The following PHOSPHO2 variants were observed in gnomAD, a reference collection of about 807,000 sequenced individuals.
PHOSPHO2 encodes phosphatase, orphan 2.
A neutral mutation model predicts 16.4 loss-of-function variants in PHOSPHO2; 14 were observed. That is an observed-to-expected ratio of 0.85 (90% CI 0.56 to 1.33). The LOEUF (loss-of-function observed/expected upper bound fraction) is 1.33. Ranked by LOEUF, PHOSPHO2 falls within the 40% of genes most tolerant of loss-of-function variation. The pLI, the probability that PHOSPHO2 is intolerant of heterozygous loss-of-function variation, is 0.00. For missense variants in PHOSPHO2, 246 were observed against 282.5 expected, an observed-to-expected ratio of 0.87 and a Z score of 0.93; for synonymous variants, 85 against 90.5, an observed-to-expected ratio of 0.94 and a Z score of 0.34.
Position 169,701,701 on chromosome 2 carries a change from G to A in PHOSPHO2, c.*4G>A. 1 of 1,502,532 alleles carries A rather than the reference G, an allele frequency of 6.7e-7. No individual in the cohort carries two copies. Among genetic ancestry groups the A allele is most frequent in the Non-Finnish European group, 8.9e-7 (1 of 1,121,148 alleles). The allele number at this position is 1,502,532 out of a possible 1,614,324, so 93.1% of individuals were successfully genotyped here. ...ACAATTTCTAATAAAGGATTAATAT[G>A]TCAGCAATTGAAAAGTGTATCACTT... On this transcript the variant is annotated 3_prime_UTR_variant, in exon 4 of 4. Transcript: ENST00000359744.
intron 2 of PHOSPHO2, among the ~76,000 whole-genome samples, chr2:169,695,759 C>G (rs1687505407): frequency 6.6e-6 from 1 of 152,152 alleles, no homozygotes; most frequent in Non-Finnish European, 1.5e-5. Context: ...TGAATTACTC[C>G]CAGCAGTAGC....
In PHOSPHO2 at chr2:169,696,044, C is replaced by T. The variant is rs768440457; in HGVS notation, c.-198+797C>T. On this transcript the variant is annotated intron_variant, in intron 2 of 3. Transcript: ENST00000359744. The stretch of plus-strand genomic sequence containing the variant: ...CGCAGGGAAAATTGTCTCCCAACAA[C>T]AATTTTCTGGAATTTTAACAAAATT... 4.6e-5 allele frequency among the ~76,000 whole-genome samples: 7 copies of T among 152,270 alleles called. No individual in the cohort carries two copies. The South Asian group carries it at 1.0e-3, about 23-fold the overall frequency.
chr2:169,699,017 G>T (rs1407443322), intron 3 of PHOSPHO2, among the ~76,000 whole-genome samples: 1 of 151,790 alleles, frequency 6.6e-6, no homozygotes, highest in African/African-American at 2.4e-5. Context: ...TAATTTTTTT[G>T]ATTTCCACCT....
intron 3 of PHOSPHO2, among the ~76,000 whole-genome samples, chr2:169,698,544 G>C (rs1687632318): frequency 6.6e-6 from 1 of 152,092 alleles, no homozygotes. Context: ...ATATTGCAAA[G>C]TTTTTAGGTC....
chr2:169,697,894 GA>G (rs1253662122), intron 3 of PHOSPHO2: 5 of 152,118 alleles, frequency 3.3e-5, no homozygotes, highest in African/African-American at 1.2e-4. Context: ...AAATTTCAGG[GA>G]ACCAGTCAGA....
intron 2 of PHOSPHO2, 79 bp from the exon 3 acceptor site, chr2:169,697,282 G>T (rs1234386333): frequency 6.6e-6 from 1 of 152,186 alleles, no homozygotes; most frequent in Non-Finnish European, 1.5e-5. Context: ...CCAAAGTGCT[G>T]GGATTACAGG....
chr2:169,700,382 A>G (rs1687710572), intron 3 of PHOSPHO2, among the ~76,000 whole-genome samples: 1 of 127,264 alleles, frequency 7.9e-6, no homozygotes, highest in Middle Eastern at 3.6e-3. Context: ...GTGTTAAGGA[A>G]GGGGTCCAGT....
At chr2:169,694,836 A>T (rs1687453298) in intron 1 of PHOSPHO2, 1 of 182,408 alleles carries the variant, frequency 5.5e-6, no homozygotes, top group Non-Finnish European at 1.2e-5. Context: ...TAACTATAAA[A>T]ACCCGCGGAT....
chr2:169,700,850 T>G, intron 3 of PHOSPHO2, 96 bp from the exon 4 acceptor site: 1 of 1,231,652 alleles, frequency 8.1e-7, no homozygotes, highest in Non-Finnish European at 1.1e-6. Flanking sequence ...ATTCCTCCCT[T>G]TAGCAGATTA....
At position 169,700,872 on chromosome 2, in the gene PHOSPHO2, T is replaced by C. The variant is rs1574500150; in HGVS notation, c.-26-74T>C. The C allele has an allele frequency of 3.7e-6, 5 of 1,339,872 alleles. 1 individual carries two copies. Among genetic ancestry groups the C allele is most frequent in the Middle Eastern group, 2.7e-4 (1 of 3,732 alleles). The allele number at this position is 1,339,872 out of a possible 1,614,324, so 83.0% of individuals were successfully genotyped here. ...CCTTTAGCAGATTAACATTTAGTTATGTTTATTAAATAAGTATTTTAGCTA... is the reference window on the plus strand; with the variant it reads ...CCTTTAGCAGATTAACATTTAGTTACGTTTATTAAATAAGTATTTTAGCTA... On this transcript the variant is annotated intron_variant, in intron 3 of 3. Transcript: ENST00000359744.
Position 169,699,067 on chromosome 2 carries a change from T to A in PHOSPHO2, c.-27+1536T>A, listed in dbSNP as rs1394433328. 3.9e-5 allele frequency among the ~76,000 whole-genome samples: 6 copies of A among 152,086 alleles called. No individual in the cohort carries two copies. In the South Asian group the frequency reaches 1.2e-3, roughly 32 times the overall value. On this transcript the variant is annotated intron_variant, in intron 3 of 3. Transcript: ENST00000359744. The stretch of plus-strand genomic sequence containing the variant: ...TACATGTGCAGGATGTGTAGATTTG[T>A]TACATAGGTAAGTGTGTGCCCTGAT...
chr2:169,694,528 TG>T lies in PHOSPHO2; in HGVS notation c.-321del. 1.6e-6 allele frequency: 1 copy of T among 636,168 alleles called. No homozygotes were observed. The highest frequency in any genetic ancestry group is 1.8e-5 in the South Asian group (1 of 56,228). 39.4% of individuals were successfully genotyped at this position (636,168 alleles called of 1,614,324 possible). A position where few individuals can be genotyped will look rare whatever the true frequency, so the allele number is the denominator to read the frequency against. The stretch of plus-strand genomic sequence containing the variant: ...TGCGCTTGCGAGCTGGGCTTGTGAG[TG>T]GGGCTGCCGAGAGGGCAGGCGTGGG... On this transcript the variant is annotated 5_prime_UTR_variant, in exon 1 of 4. Transcript: ENST00000359744.
chr2:169,698,438 CTA>C (rs1252444692), intron 3 of PHOSPHO2: 1 of 152,112 alleles, frequency 6.6e-6, no homozygotes, highest in African/African-American at 2.4e-5. Context: ...TGGCACTTTA[CTA>C]ACACCTAACC....
chr2:169,695,637 CAAAAA>C (rs71006023), intron 2 of PHOSPHO2, among the ~76,000 whole-genome samples: 1 of 141,878 alleles, frequency 7.0e-6, no homozygotes, highest in Admixed American at 7.1e-5. Context: ...GACTCCGTCT[CAAAAA>C]AAAAAAAAGT....
intron 3 of PHOSPHO2, among the ~76,000 whole-genome samples, chr2:169,699,213 C>T (rs1281717566): frequency 6.6e-6 from 1 of 150,840 alleles, no homozygotes; most frequent in African/African-American, 2.4e-5. Flanking sequence ...ATGTTATTCC[C>T]TTCCACGTGT....
In PHOSPHO2 at chr2:169,696,924, G is replaced by A. The variant is rs752170948; in HGVS notation, c.-197-437G>A. 2.6e-5 allele frequency among the ~76,000 whole-genome samples: 4 copies of A among 151,860 alleles called. 1 individual carries two copies. Among genetic ancestry groups the A allele is most frequent in the Non-Finnish European group, 5.9e-5 (4 of 67,986 alleles). On this transcript the variant is annotated intron_variant, in intron 2 of 3. Transcript: ENST00000359744. ...CATTTCTTATTTTCGACACCAAGTC[G>A]ATACCAAGTGGAAAGCAAAACTTTG...
At chr2:169,695,122 A>G (rs1294916229) in intron 1 of PHOSPHO2, 93 bp from the exon 2 acceptor site, 1 of 152,284 alleles carries the variant, frequency 6.6e-6, no homozygotes, top group Non-Finnish European at 1.5e-5. Context: ...ACGTGTACAC[A>G]TAATGCACCA....
rs536711715 is a variant in PHOSPHO2, at chr2:169,694,742, G to T, written c.-231+120G>T. ...CCTACCCTCGGGGTGGAGCCGGCAG[G>T]TGTGTGAGCGCGCGAGGCCTAGGCG... On this transcript the variant is annotated intron_variant, in intron 1 of 3. Transcript: ENST00000359744. 15 of 300,602 alleles carry T rather than the reference G, an allele frequency of 5.0e-5. No homozygotes were observed. In the South Asian group the frequency reaches 5.1e-4, roughly 10 times the overall value. The allele number at this position is 300,602 out of a possible 1,614,324, so 18.6% of individuals were successfully genotyped here.
chr2:169,696,146 C>T lies in PHOSPHO2; in HGVS notation c.-198+899C>T, dbSNP rs559385463. 9.8e-4 allele frequency among the ~76,000 whole-genome samples: 149 copies of T among 152,322 alleles called. 1 individual carries two copies. The highest frequency in any genetic ancestry group is 3.5e-3 in the African/African-American group (145 of 41,584). On this transcript the variant is annotated intron_variant, in intron 2 of 3. Coordinates refer to ENST00000359744, the MANE Select transcript of PHOSPHO2 (RefSeq NM_001008489.4). Reference sequence around the variant, plus strand: ...GACATGGTGGTCAGATATAATTTGACTTCAGACTCGAGATTCCAGCTCCAA... The same window carrying T: ...GACATGGTGGTCAGATATAATTTGATTTCAGACTCGAGATTCCAGCTCCAA...
Sources: gnomAD v4.1 joint callset for allele counts (sites outside exome capture counted in the v4.1 genomes callset) on GRCh38, gnomAD v4.1.1 for gene constraint, MANE v1.5 for transcripts, NCBI Gene and HGNC (gene_info 2026-07-23, HGNC 2026-07-21) for gene names.